The following GLRA2 variants were observed in gnomAD, a reference collection of about 807,000 sequenced individuals.
The protein encoded by GLRA2 is glycine receptor subunit alpha-2.
GLRA2 carries 11 observed loss-of-function variants against 31.6 expected under a neutral mutation model. The observed-to-expected ratio is 0.35, with a 90% CI of 0.22 to 0.58. GLRA2 has a LOEUF of 0.58. Ranked by LOEUF, GLRA2 falls within the 20% of genes least tolerant of loss-of-function variation. The pLI is 0.84. For missense variants in GLRA2, 212 were observed against 351.8 expected (o/e 0.60, Z 3.18); for synonymous variants, 132 against 134.0 (o/e 0.99, Z 0.10).
the GLRA2 span, among the ~76,000 whole-genome samples, chrX:14,456,104 A>G: frequency 8.9e-6 from 1 of 111,963 alleles, no homozygotes; most frequent in Non-Finnish European, 1.9e-5. Flanking sequence ...CTATCTGATC[A>G]CAGTGGCCTT....
intron 2 of GLRA2, among the ~76,000 whole-genome samples, chrX:14,553,594 C>T (rs1354626824): frequency 9.0e-6 from 1 of 111,332 alleles, no homozygotes; most frequent in Non-Finnish European, 1.9e-5. Flanking sequence ...TGTGTCTTTC[C>T]CATATCCCCG....
At chrX:14,686,938 G>C (rs1382266554) in intron 7 of GLRA2, among the ~76,000 whole-genome samples, 1 of 112,066 alleles carries the variant, frequency 8.9e-6, no homozygotes, top group Non-Finnish European at 1.9e-5. Flanking sequence ...GCAGTGGCTG[G>C]TACTAGTTGT....
At chrX:14,652,348 A>C (rs1266553766) in intron 7 of GLRA2, among the ~76,000 whole-genome samples, 3 of 111,514 alleles carry the variant, frequency 2.7e-5, no homozygotes, top group African/African-American at 9.8e-5. Flanking sequence ...ACACAGCAGA[A>C]TAACATTGTT....
intron 8 of GLRA2, among the ~76,000 whole-genome samples, chrX:14,694,976 A>C (rs962508502): frequency 2.7e-5 from 3 of 112,150 alleles, no homozygotes. Flanking sequence ...CTTGAGTCAC[A>C]TTTTTATGCT....
chrX:14,555,887 A>G (rs1373562196), intron 2 of GLRA2, among the ~76,000 whole-genome samples: 2 of 111,811 alleles, frequency 1.8e-5, no homozygotes, highest in Non-Finnish European at 3.8e-5. Context: ...AATGCCTACT[A>G]TGTGCTCAGT....
chrX:14,706,515 T>G (rs1254307474), intron 8 of GLRA2, among the ~76,000 whole-genome samples: 3 of 112,521 alleles, frequency 2.7e-5, no homozygotes, highest in Non-Finnish European at 3.7e-5. Context: ...AATTTTATTT[T>G]TAATTGTGAA....
chrX:14,468,354 A>G, the GLRA2 span, among the ~76,000 whole-genome samples: 2 of 111,745 alleles, frequency 1.8e-5, no homozygotes, highest in Non-Finnish European at 3.8e-5. Flanking sequence ...AATGTTGCCC[A>G]TGGTTAAATG....
chrX:14,542,518 G>A (rs781719484), intron 2 of GLRA2, among the ~76,000 whole-genome samples: 1 of 110,896 alleles, frequency 9.0e-6, no homozygotes, highest in East Asian at 2.9e-4. Context: ...GGTCAAAGCT[G>A]TAGTTATGGT....
intron 7 of GLRA2, among the ~76,000 whole-genome samples, chrX:14,681,904 A>AG: frequency 2.6e-5 from 1 of 37,988 alleles, no homozygotes; most frequent in East Asian, 3.4e-4. Flanking sequence ...AAAAAAAAAA[A>AG]AAAAAAATAT....
At chrX:14,572,335 C>G (rs1013895521) in intron 2 of GLRA2, among the ~76,000 whole-genome samples, 2 of 111,859 alleles carry the variant, frequency 1.8e-5, no homozygotes, top group Non-Finnish European at 3.8e-5. Flanking sequence ...TCCCATCATT[C>G]ATTTTTCTAT....
At chrX:14,592,801 C>T (rs992877913) in intron 4 of GLRA2, among the ~76,000 whole-genome samples, 1 of 112,490 alleles carries the variant, frequency 8.9e-6, no homozygotes, top group African/African-American at 3.2e-5. Context: ...TATCTGTGAA[C>T]TATTATTTTA....
chrX:14,663,053 A>G (rs1334358226), intron 7 of GLRA2, among the ~76,000 whole-genome samples: 1 of 111,329 alleles, frequency 9.0e-6, no homozygotes, highest in East Asian at 2.8e-4. Flanking sequence ...ATAGACTGTC[A>G]TATCATTCAC....
chrX:14,599,654 G>A (rs1251071297), intron 4 of GLRA2, among the ~76,000 whole-genome samples: 6 of 111,608 alleles, frequency 5.4e-5, no homozygotes, highest in Non-Finnish European at 1.1e-4. Context: ...TTCTTGTCTG[G>A]GAGCATAATG....
the GLRA2 span, among the ~76,000 whole-genome samples, chrX:14,464,509 C>T: frequency 9.1e-6 from 1 of 110,376 alleles, no homozygotes; most frequent in Non-Finnish European, 1.9e-5. Flanking sequence ...GGATGAATTT[C>T]AGGGTTCTCT....
the GLRA2 span, among the ~76,000 whole-genome samples, chrX:14,487,729 TG>T: frequency 8.9e-6 from 1 of 111,950 alleles, no homozygotes. Context: ...GACATATAAG[TG>T]GGCAATGGTC....
chrX:14,460,467 C>T, the GLRA2 span, among the ~76,000 whole-genome samples: 1 of 111,772 alleles, frequency 8.9e-6, no homozygotes, highest in Non-Finnish European at 1.9e-5. Flanking sequence ...CTCTTTGTAC[C>T]TCTGGTAGAA....
intron 8 of GLRA2, among the ~76,000 whole-genome samples, chrX:14,717,345 TAA>T (rs766206290): frequency 1.4e-4 from 13 of 91,273 alleles, no homozygotes; most frequent in Admixed American, 3.6e-4. Context: ...CTTAAGAAAG[TAA>T]AAAAAAAAAA....
At chrX:14,617,300 G>GT (rs1231737071) in intron 7 of GLRA2, among the ~76,000 whole-genome samples, 1 of 111,717 alleles carries the variant, frequency 9.0e-6, no homozygotes, top group Non-Finnish European at 1.9e-5. Flanking sequence ...CACAGTGTCA[G>GT]GCACTATGTT....
At chrX:14,666,614 C>T (rs1006452007) in intron 7 of GLRA2, among the ~76,000 whole-genome samples, 3 of 111,530 alleles carry the variant, frequency 2.7e-5, no homozygotes, top group Admixed American at 9.6e-5. Context: ...TTCTAATGGC[C>T]GGATAGAAGT....
Sources: gnomAD v4.1 joint callset for allele counts (sites outside exome capture counted in the v4.1 genomes callset) on GRCh38, gnomAD v4.1.1 for gene constraint, MANE v1.5 for transcripts, NCBI Gene and HGNC (gene_info 2026-07-23, HGNC 2026-07-21) for gene names.